Variants in SDK1 observed in about 807,000 individuals in gnomAD.
The protein encoded by SDK1 is protein sidekick-1.
In SDK1, 157 loss-of-function variants were observed where a neutral mutation model predicts 245.5. The observed-to-expected ratio is 0.64, with a 90% CI of 0.56 to 0.73. The LOEUF is 0.73. Among genes scored for constraint, SDK1 ranks in the 30% least tolerant of loss-of-function variants. The pLI, the probability that SDK1 is intolerant of heterozygous loss-of-function variation, is 0.00. For missense variants in SDK1, 3,583 were observed against 3,002.3 expected, an observed-to-expected ratio of 1.19 and a Z score of -4.52; for synonymous variants, 1,647 against 1,278.5, an observed-to-expected ratio of 1.29 and a Z score of -6.15.
chr7:3,973,924 G>A (rs900000090), intron 12 of SDK1, among the ~76,000 whole-genome samples: 3 of 152,084 alleles, frequency 2.0e-5, no homozygotes, highest in African/African-American at 7.2e-5. Flanking sequence ...ACTCAGGCCT[G>A]TAATCCCAGC....
rs188447785 is a variant in SDK1, at chr7:3,704,189, G to A, written c.713+62084G>A. Among the ~76,000 whole-genome samples, 141 of 152,094 alleles carry A rather than the reference G, an allele frequency of 9.3e-4. 1 individual carries two copies. Among genetic ancestry groups the A allele is most frequent in the African/African-American group, 3.3e-3 (138 of 41,486 alleles). On this transcript the variant is annotated intron_variant, in intron 4 of 44. Coordinates refer to ENST00000404826, the MANE Select transcript of SDK1 (RefSeq NM_152744.4). ...ACTTCACTTGGAATAATGGCCTTCAGCTCCATTCAAGTTTCCGCCAAAGAC... is the reference window on the plus strand; with the variant it reads ...ACTTCACTTGGAATAATGGCCTTCAACTCCATTCAAGTTTCCGCCAAAGAC...
At chr7:3,802,626 C>G (rs1369528812) in intron 4 of SDK1, among the ~76,000 whole-genome samples, 1 of 151,948 alleles carries the variant, frequency 6.6e-6, no homozygotes, top group Non-Finnish European at 1.5e-5. Flanking sequence ...TCCCTGGCAG[C>G]TTCCCAACCT....
chr7:3,719,953 G>A (rs115218774), intron 4 of SDK1, among the ~76,000 whole-genome samples: 2,205 of 151,544 alleles, frequency 0.015, 59 homozygotes, highest in African/African-American at 0.052. Context: ...CCCCAGTCTG[G>A]TGACAGAACA....
chr7:3,616,819 C>T (rs1419978708), intron 1 of SDK1, among the ~76,000 whole-genome samples: 1 of 152,102 alleles, frequency 6.6e-6, no homozygotes, highest in East Asian at 1.9e-4. Flanking sequence ...TTCTAATGTG[C>T]TACTTGATGT....
At chr7:4,005,352 T>G (rs2128146211) in intron 14 of SDK1, among the ~76,000 whole-genome samples, 1 of 151,572 alleles carries the variant, frequency 6.6e-6, no homozygotes, top group East Asian at 1.9e-4. Context: ...AGACTGGATT[T>G]GAGCTGCCTT....
At chr7:3,955,936 C>T (rs1409823281) in intron 7 of SDK1, among the ~76,000 whole-genome samples, 1 of 152,166 alleles carries the variant, frequency 6.6e-6, no homozygotes. Context: ...GCTTGCGCTG[C>T]CCCTGGAGGC....
intron 4 of SDK1, among the ~76,000 whole-genome samples, chr7:3,661,947 A>G (rs376363159): frequency 6.6e-6 from 1 of 151,908 alleles, no homozygotes. Flanking sequence ...ACCTGGGTGT[A>G]GTAAGACCGT....
intron 41 of SDK1, among the ~76,000 whole-genome samples, chr7:4,237,184 GCCTGGC>G (rs1297518426): frequency 6.6e-6 from 1 of 152,082 alleles, no homozygotes; most frequent in Non-Finnish European, 1.5e-5. Flanking sequence ...ACGCCTCTGT[GCCTGGC>G]TGTTTTTTTG....
intron 5 of SDK1, among the ~76,000 whole-genome samples, chr7:3,848,122 TATG>T (rs1394222986): frequency 1.3e-5 from 2 of 152,228 alleles, no homozygotes; most frequent in East Asian, 1.9e-4. Flanking sequence ...CTCGAGCTGT[TATG>T]ATGATAGTTC....
At chr7:3,863,927 A>G (rs1307733684) in intron 5 of SDK1, among the ~76,000 whole-genome samples, 1 of 152,028 alleles carries the variant, frequency 6.6e-6, no homozygotes, top group Non-Finnish European at 1.5e-5. Flanking sequence ...GTCTGCTTAC[A>G]GTTTCTTTGG....
intron 4 of SDK1, among the ~76,000 whole-genome samples, chr7:3,683,008 A>C (rs767073723): frequency 1.3e-5 from 2 of 152,204 alleles, no homozygotes; most frequent in Non-Finnish European, 2.9e-5. Context: ...TGTTGTGATC[A>C]CAAGTATGAG....
At chr7:3,498,608 C>G (rs1297813147) in intron 1 of SDK1, among the ~76,000 whole-genome samples, 1 of 152,198 alleles carries the variant, frequency 6.6e-6, no homozygotes, top group Admixed American at 6.5e-5. Context: ...GGTTTTCCAT[C>G]TGTCGGCTTC....
At chr7:3,483,028 T>C (rs1781566442) in intron 1 of SDK1, among the ~76,000 whole-genome samples, 2 of 151,482 alleles carry the variant, frequency 1.3e-5, no homozygotes, top group Non-Finnish European at 1.5e-5. Context: ...TTAACACTTG[T>C]CATATTGTAA....
chr7:3,408,660 T>A (rs562652251), intron 1 of SDK1, among the ~76,000 whole-genome samples: 1 of 152,346 alleles, frequency 6.6e-6, no homozygotes, highest in South Asian at 2.1e-4. Flanking sequence ...TGTATAAACG[T>A]ATCAATTTGA....
intron 38 of SDK1, among the ~76,000 whole-genome samples, chr7:4,218,489 A>G (rs1365264982): frequency 6.6e-6 from 1 of 152,228 alleles, no homozygotes; most frequent in Non-Finnish European, 1.5e-5. Flanking sequence ...AAAACACTGA[A>G]CCAGCTAGAA....
At chr7:3,905,700 G>A (rs571226624) in intron 5 of SDK1, among the ~76,000 whole-genome samples, 3 of 151,738 alleles carry the variant, frequency 2.0e-5, no homozygotes, top group East Asian at 1.9e-4. Context: ...ATCACTCACT[G>A]TAACCCCGAA....
intron 1 of SDK1, among the ~76,000 whole-genome samples, chr7:3,382,280 A>G (rs1781508481): frequency 6.6e-6 from 1 of 151,926 alleles, no homozygotes; most frequent in Non-Finnish European, 1.5e-5. Context: ...CTTTATCCCC[A>G]TTTTAAAGAT....
intron 19 of SDK1, among the ~76,000 whole-genome samples, chr7:4,065,694 GTTTTTTTTTTTTTTTTTTTTTTTTT>G (rs749991713): frequency 7.2e-4 from 48 of 66,726 alleles, no homozygotes; most frequent in Admixed American, 2.7e-3. Flanking sequence ...AGTGGTTGTT[GTTTTTTTTTTTTTTTTTTTTTTTTT>G]TTTTTTTTTT....
In SDK1 at chr7:4,135,631, C is replaced by T. The variant is rs769476975; in HGVS notation, c.4228+3208C>T. ...TCAGATCTCAGCCTATGCTTATTAGCTGAGTGAATTTATGCGTGTTTCTTA... is the reference window on the plus strand; with the variant it reads ...TCAGATCTCAGCCTATGCTTATTAGTTGAGTGAATTTATGCGTGTTTCTTA... On this transcript the variant is annotated intron_variant, in intron 28 of 44. Coordinates refer to ENST00000404826, the MANE Select transcript of SDK1 (RefSeq NM_152744.4). Among the ~76,000 whole-genome samples the T allele has an allele frequency of 5.3e-5, 8 of 152,220 alleles. No individual in the cohort carries two copies. The South Asian group carries it at 8.3e-4, about 16-fold the overall frequency.
Sources: gnomAD v4.1 joint callset for allele counts (sites outside exome capture counted in the v4.1 genomes callset) on GRCh38, gnomAD v4.1.1 for gene constraint, MANE v1.5 for transcripts, NCBI Gene and HGNC (gene_info 2026-07-23, HGNC 2026-07-21) for gene names.